The following POLN variants were observed in gnomAD, a reference collection of about 807,000 sequenced individuals.
The protein encoded by POLN is DNA polymerase nu.
A neutral mutation model predicts 113.5 loss-of-function variants in POLN; 108 were observed. The ratio of observed to expected loss-of-function variants is 0.95; its 90% CI spans 0.81 to 1.12. POLN has a LOEUF of 1.12. POLN is among the 50% of genes most tolerant of loss of function. POLN has a pLI of 0.00. For missense variants in POLN, 1,097 were observed against 1,077.1 expected (o/e 1.02, Z -0.26); for synonymous variants, 386 against 391.5 (o/e 0.99, Z 0.17).
chr4:2,129,300 C>A, intron 17 of POLN, 44 bp from the exon 18 acceptor site: 2 of 1,206,600 alleles, frequency 1.7e-6, no homozygotes, highest in African/African-American at 1.5e-5. Flanking sequence ...TGGTCATGAA[C>A]TGATGCATAG....
chr4:2,131,096 A>C (rs942972555), intron 17 of POLN, 137 bp downstream of exon 17: 3 of 573,406 alleles, frequency 5.2e-6, no homozygotes, highest in Non-Finnish European at 9.1e-6. Context: ...GAGGTGGGAG[A>C]ATCACCTGAG....
At chr4:2,232,548 C>T (rs1734620031) in intron 2 of POLN, among the ~76,000 whole-genome samples, 1 of 152,182 alleles carries the variant, frequency 6.6e-6, no homozygotes, top group Non-Finnish European at 1.5e-5. Flanking sequence ...TTGTTTTAGC[C>T]TATTCTCTGT....
At chr4:2,225,989 G>A (rs1277683461) in intron 3 of POLN, among the ~76,000 whole-genome samples, 4 of 144,516 alleles carry the variant, frequency 2.8e-5, no homozygotes, top group South Asian at 2.2e-4. Flanking sequence ...ACCCTGTCTC[G>A]AAAAAAAAAA....
At chr4:2,226,491 G>C (rs1237501097) in intron 3 of POLN, among the ~76,000 whole-genome samples, 2 of 152,216 alleles carry the variant, frequency 1.3e-5, no homozygotes, top group African/African-American at 4.8e-5. Context: ...AGTAAATTTT[G>C]AGGTGTTGGC....
At chr4:2,229,358 T>C (rs1178216529) in intron 2 of POLN, 115 bp from the exon 3 acceptor site, 2 of 881,106 alleles carry the variant, frequency 2.3e-6, no homozygotes, top group African/African-American at 1.8e-5. Context: ...AATGTCTATA[T>C]TCATAACCAC....
intron 13 of POLN, among the ~76,000 whole-genome samples, chr4:2,169,566 C>T (rs1043242161): frequency 6.6e-6 from 1 of 152,188 alleles, no homozygotes; most frequent in Non-Finnish European, 1.5e-5. Flanking sequence ...CACACAGACA[C>T]ATGGACACAC....
chr4:2,176,283 G>A lies in POLN; in HGVS notation c.1231C>T (p.Leu411Phe). Residue 411 changes from leucine (L) to phenylalanine (F), a missense_variant, in exon 9 of 26, where the codon CTT becomes TTT. Leu to Phe is a conservative substitution (Grantham distance 22). Coordinates refer to ENST00000511885, the MANE Select transcript of POLN (RefSeq NM_181808.4). ...TGCCTTGCCTTCAGTTTAGAGCAAA[G>A]GTCCATTGTAAGTCTGTAGAGTGTC... is the stretch of plus-strand genomic sequence containing the variant. ...LKTLYRLTMD[L>F]CSKLKDYGLW... The A allele has an allele frequency of 6.2e-7, 1 of 1,605,820 alleles. No homozygotes were observed. Among genetic ancestry groups the A allele is most frequent in the South Asian group, 1.1e-5 (1 of 89,388 alleles).
At chr4:2,194,428 G>A (rs1334017466) in intron 6 of POLN, among the ~76,000 whole-genome samples, 1 of 152,168 alleles carries the variant, frequency 6.6e-6, no homozygotes, top group Non-Finnish European at 1.5e-5. Context: ...CACTTTGTGT[G>A]ATTTCACCTT....
At chr4:2,167,662 G>A (rs1366155828) in intron 13 of POLN, among the ~76,000 whole-genome samples, 1 of 152,158 alleles carries the variant, frequency 6.6e-6, no homozygotes, top group Non-Finnish European at 1.5e-5. Flanking sequence ...ACTTTGGGAG[G>A]CCGAGGTGGG....
chr4:2,240,757 G>A (rs1412959337), intron 2 of POLN: 1 of 1,613,942 alleles, frequency 6.2e-7, no homozygotes, highest in South Asian at 1.1e-5. Flanking sequence ...GATTTCTGAA[G>A]AATGCTAAAA....
At chr4:2,188,884 T>C (rs960324206) in intron 7 of POLN, among the ~76,000 whole-genome samples, 3 of 151,986 alleles carry the variant, frequency 2.0e-5, no homozygotes, top group African/African-American at 7.2e-5. Context: ...GTGTAGGGGG[T>C]GGAATTAAAG....
rs1026731028 is a variant in POLN at position 2,151,535 on chromosome 4, C to A, written c.1731+5253G>T. ...CAATGTGTGTAGTTAATATCCCAAA[C>A]TGAATAATATCCCCAAACTGGAAAT... On this transcript the variant is annotated intron_variant, in intron 16 of 25. Transcript: ENST00000511885. Among the ~76,000 whole-genome samples the A allele has an allele frequency of 3.3e-5, 5 of 152,178 alleles. 1 individual carries two copies. The highest frequency in any genetic ancestry group is 1.2e-4 in the African/African-American group (5 of 41,440).
intron 5 of POLN, among the ~76,000 whole-genome samples, chr4:2,199,304 T>C (rs182938922): frequency 5.9e-4 from 90 of 152,262 alleles, no homozygotes; most frequent in Middle Eastern, 3.4e-3. Context: ...AACGAAGACA[T>C]ATAATACTCA....
chr4:2,151,969 AT>A (rs984322596), intron 16 of POLN, among the ~76,000 whole-genome samples: 4 of 152,028 alleles, frequency 2.6e-5, no homozygotes, highest in Non-Finnish European at 5.9e-5. Context: ...GTGTGAGAAA[AT>A]TAGCTTTCTG....
rs574419737 is a variant in POLN, at chr4:2,081,893, G to T, written c.2198-150C>A. ...CCCTGGGCCCTTCGGGTCTATCATG[G>T]GGGCAAGTGGGCCCTGCAGTGGGAA... On this transcript the variant is annotated intron_variant, in intron 21 of 25. Coordinates refer to ENST00000511885, the MANE Select transcript of POLN (RefSeq NM_181808.4). 67 of 625,434 alleles carry T rather than the reference G, an allele frequency of 1.1e-4. 1 individual carries two copies. The South Asian group carries it at 1.2e-3, about 11-fold the overall frequency. 38.7% of individuals were successfully genotyped at this position (625,434 alleles called of 1,614,324 possible). A position where few individuals can be genotyped will look rare whatever the true frequency, so the allele number is the denominator to read the frequency against.
intron 19 of POLN, among the ~76,000 whole-genome samples, chr4:2,101,406 T>C (rs936619586): frequency 2.0e-5 from 3 of 151,828 alleles, no homozygotes; most frequent in Admixed American, 6.6e-5. Flanking sequence ...AAAAGAAAAC[T>C]CCACAATCTA....
At chr4:2,153,878 C>A (rs1732355336) in intron 16 of POLN, among the ~76,000 whole-genome samples, 1 of 151,836 alleles carries the variant, frequency 6.6e-6, no homozygotes, top group Admixed American at 6.5e-5. Flanking sequence ...GCCACTGCAC[C>A]CGGCTGTTAT....
At position 2,159,687 on chromosome 4, in the gene POLN, G is replaced by A. The variant is rs35368079; in HGVS notation, c.1555-476C>T. Among the ~76,000 whole-genome samples the A allele has an allele frequency of 5.9e-3, 901 of 152,270 alleles. 6 individuals carry two copies. Among genetic ancestry groups the A allele is most frequent in the African/African-American group, 0.021 (862 of 41,562 alleles). On this transcript the variant is annotated intron_variant, in intron 13 of 25. Transcript: ENST00000511885. ...TTAACCACCACCCACAGCGAGCGACGAAACATTCCAATCTCCCCAGTAGGT... is the reference window on the plus strand; with the variant it reads ...TTAACCACCACCCACAGCGAGCGACAAAACATTCCAATCTCCCCAGTAGGT...
At chr4:2,095,525 T>C (rs1220788730) in intron 20 of POLN, among the ~76,000 whole-genome samples, 1 of 152,222 alleles carries the variant, frequency 6.6e-6, no homozygotes, top group African/African-American at 2.4e-5. Context: ...TGCCTTGGCA[T>C]GTGTGTGGAC....
Sources: allele counts gnomAD v4.1 joint callset (sites outside exome capture counted in the v4.1 genomes callset), GRCh38; gene constraint gnomAD v4.1.1; transcripts MANE v1.5; gene names NCBI Gene and HGNC (gene_info 2026-07-23, HGNC 2026-07-21).